The following DPP6 variants were observed in gnomAD, a reference collection of about 807,000 sequenced individuals.
DPP6 encodes dipeptidyl peptidase like 6, also known as A-type potassium channel modulatory protein DPP6.
Under a neutral mutation model 122.6 loss-of-function variants are expected in DPP6, and 69 were observed. The observed-to-expected ratio is 0.56, with a 90% confidence interval of 0.46 to 0.69. DPP6 has a LOEUF of 0.69. Ranked by LOEUF, DPP6 falls within the 30% of genes least tolerant of loss-of-function variation. The pLI, the probability that DPP6 is intolerant of heterozygous loss-of-function variation, is 0.00. For missense variants in DPP6, 928 were observed against 1,116.9 expected (o/e 0.83, Z 2.41); for synonymous variants, 418 against 433.1 (o/e 0.97, Z 0.43).
chr7:154,587,227 G>A, intron 5 of DPP6: 1 of 221,198 alleles, frequency 4.5e-6, no homozygotes, highest in Non-Finnish European at 9.0e-6. Context: ...ACTCTCACCA[G>A]AGGTCAAAGG....
intron 1 of DPP6, among the ~76,000 whole-genome samples, chr7:154,246,220 A>C (rs1801974151): frequency 6.6e-6 from 1 of 152,200 alleles, no homozygotes; most frequent in African/African-American, 2.4e-5. Flanking sequence ...ACAATATGTC[A>C]AGGCTTTCTG....
chr7:154,374,132 C>T (rs924392855), intron 1 of DPP6, among the ~76,000 whole-genome samples: 2 of 152,178 alleles, frequency 1.3e-5, no homozygotes, highest in Non-Finnish European at 2.9e-5. Context: ...TTAATGAGAG[C>T]ACATGAAGAA....
intron 1 of DPP6, among the ~76,000 whole-genome samples, chr7:154,437,484 G>T (rs1818970066): frequency 6.6e-6 from 1 of 152,134 alleles, no homozygotes; most frequent in Admixed American, 6.5e-5. Flanking sequence ...ATACTACAAG[G>T]CTGGTGGATG....
intron 7 of DPP6, among the ~76,000 whole-genome samples, chr7:154,695,878 A>C (rs554253419): frequency 6.6e-6 from 1 of 152,304 alleles, no homozygotes; most frequent in East Asian, 1.9e-4. Context: ...GGCCAGCTGT[A>C]GGCTTCCTTC....
intron 8 of DPP6, among the ~76,000 whole-genome samples, chr7:154,757,982 C>A (rs557340555): frequency 3.9e-4 from 59 of 152,130 alleles, no homozygotes; most frequent in African/African-American, 1.3e-3. Context: ...CCCGCCCTCT[C>A]CCCGCCGCCC....
At chr7:153,913,246 T>C (rs1210846591) in intron 1 of DPP6, among the ~76,000 whole-genome samples, 2 of 152,174 alleles carry the variant, frequency 1.3e-5, no homozygotes. Flanking sequence ...AGCTAATTTT[T>C]GTACTTTTAG....
rs1244590266 is a variant in DPP6 at position 154,063,572 on chromosome 7, G to C, written c.243+10509G>C. Among the ~76,000 whole-genome samples, 275 of 109,148 alleles carry C rather than the reference G, an allele frequency of 2.5e-3. 2 individuals are homozygous for C. Among genetic ancestry groups the C allele is most frequent in the Non-Finnish European group, 4.1e-3 (212 of 52,052 alleles). 71.6% of individuals were successfully genotyped at this position (109,148 alleles called of 152,430 possible). A position where few individuals can be genotyped will look rare whatever the true frequency, so the allele number is the denominator to read the frequency against. The stretch of plus-strand genomic sequence containing the variant: ...GGGACTGAGAGCTATCCCCTCTTCC[G>C]CCTCTGGCTGATAGTACCCCCATCG... On this transcript the variant is annotated intron_variant, in intron 1 of 25. Coordinates refer to ENST00000377770, the MANE Select transcript of DPP6 (RefSeq NM_130797.4).
At chr7:153,775,347 C>T in the DPP6 span, among the ~76,000 whole-genome samples, 2 of 146,400 alleles carry the variant, frequency 1.4e-5, no homozygotes, top group African/African-American at 2.5e-5. Flanking sequence ...ATTATAATAT[C>T]CACTCGTGAT....
chr7:154,588,255 C>T, intron 5 of DPP6: 2 of 1,207,024 alleles, frequency 1.7e-6, no homozygotes, highest in Non-Finnish European at 2.2e-6. Context: ...GTTCAAATGG[C>T]CTGTTCTCAG....
chr7:153,952,229 T>C (rs981386430), intron 1 of DPP6, among the ~76,000 whole-genome samples: 37 of 152,220 alleles, frequency 2.4e-4, no homozygotes, highest in African/African-American at 8.2e-4. Flanking sequence ...GCTCAATTAA[T>C]GTGATATCAA....
At chr7:154,889,881 C>A in intron 25 of DPP6, 1 of 280,882 alleles carries the variant, frequency 3.6e-6, no homozygotes, top group Non-Finnish European at 6.7e-6. Context: ...GAGAGTGGGA[C>A]TGTTGTTCTG....
intron 1 of DPP6, among the ~76,000 whole-genome samples, chr7:154,061,152 G>A (rs1179652714): frequency 6.8e-6 from 1 of 148,042 alleles, no homozygotes; most frequent in African/African-American, 2.5e-5. Flanking sequence ...AGAATTCTTA[G>A]GAGCTGTGGG....
At position 153,944,664 on chromosome 7, in the gene DPP6, GTTT is replaced by G. The variant is rs139824215; in HGVS notation, c.51+56950_51+56952del. ...CCATCAGTTTCTTATTTTTGTGTGG[GTTT>G]TTTTTTTTTTTTTTTTTTTGAGACA... On this transcript the variant is annotated intron_variant, in intron 1 of 25. Transcript: ENST00000404039. Among the ~76,000 whole-genome samples the G allele has an allele frequency of 1.5e-3, 157 of 106,992 alleles. 1 individual carries two copies. Among genetic ancestry groups the G allele is most frequent in the African/African-American group, 5.0e-3 (131 of 26,408 alleles). 70.2% of individuals were successfully genotyped at this position (106,992 alleles called of 152,430 possible). A position where few individuals can be genotyped will look rare whatever the true frequency, so the allele number is the denominator to read the frequency against.
At chr7:154,555,533 G>T (rs4380845) in intron 4 of DPP6, among the ~76,000 whole-genome samples, 6 of 151,750 alleles carry the variant, frequency 4.0e-5, no homozygotes, top group Non-Finnish European at 5.9e-5. Flanking sequence ...GAGTTAATGG[G>T]TGCAGCACAC....
At chr7:154,060,607 C>CA (rs1333296711) in intron 1 of DPP6, among the ~76,000 whole-genome samples, 1 of 141,840 alleles carries the variant, frequency 7.1e-6, no homozygotes, top group Non-Finnish European at 1.5e-5. Flanking sequence ...CCCTCTTCCC[C>CA]CCCCTGGCTC....
Position 154,101,009 on chromosome 7 carries a change from G to A in DPP6, c.243+47946G>A, listed in dbSNP as rs1222248112. Among the ~76,000 whole-genome samples, 7 of 129,436 alleles carry A rather than the reference G, an allele frequency of 5.4e-5. 1 individual carries two copies. Among genetic ancestry groups the A allele is most frequent in the Admixed American group, 1.6e-4 (2 of 12,302 alleles). The allele number at this position is 129,436 out of a possible 152,430, so 84.9% of individuals were successfully genotyped here. A position where few individuals can be genotyped will look rare whatever the true frequency, so the allele number is the denominator to read the frequency against. On this transcript the variant is annotated intron_variant, in intron 1 of 25. Coordinates refer to ENST00000377770, the MANE Select transcript of DPP6 (RefSeq NM_130797.4). ...TGGTCCTGCCAACGGTGCCCCTGAC[G>A]GAGCTGTGGTTGGTCCTGTGTTTAC...
At chr7:154,290,764 A>C (rs986492817) in intron 1 of DPP6, among the ~76,000 whole-genome samples, 2 of 151,850 alleles carry the variant, frequency 1.3e-5, no homozygotes, top group African/African-American at 4.8e-5. Flanking sequence ...TTCTTACATG[A>C]GCCATTCTAG....
intron 8 of DPP6, among the ~76,000 whole-genome samples, chr7:154,740,133 G>A (rs548043181): frequency 1.5e-4 from 23 of 152,124 alleles, no homozygotes; most frequent in Non-Finnish European, 2.5e-4. Context: ...CTGAGAGATC[G>A]TGACAAATAT....
At chr7:153,918,489 C>CTT (rs1491231559) in intron 1 of DPP6, among the ~76,000 whole-genome samples, 1 of 124,436 alleles carries the variant, frequency 8.0e-6, no homozygotes, top group Admixed American at 7.7e-5. Context: ...CTCTCTCTCT[C>CTT]TTTTTCTGCC....
Sources: gnomAD v4.1 joint callset for allele counts (sites outside exome capture counted in the v4.1 genomes callset) on GRCh38, gnomAD v4.1.1 for gene constraint, MANE v1.5 for transcripts, NCBI Gene and HGNC (gene_info 2026-07-23, HGNC 2026-07-21) for gene names.